NRG2: variants seen among roughly 807,000 people sequenced by gnomAD.
NRG2 encodes neuregulin 2, also known as pro-neuregulin-2, membrane-bound isoform.
In NRG2, 27 loss-of-function variants were observed where a neutral mutation model predicts 73.9. The observed-to-expected ratio is 0.37, with a 90% CI of 0.27 to 0.50. The LOEUF is 0.50. Among genes scored for constraint, NRG2 ranks in the 20% least tolerant of loss-of-function variants. The pLI is 0.96. For missense variants in NRG2, 1,126 were observed against 1,210.1 expected (o/e 0.93, Z 1.03); for synonymous variants, 532 against 541.0 (o/e 0.98, Z 0.23).
chr5:139,863,697 C>T (rs983024689), intron 5 of NRG2, among the ~76,000 whole-genome samples: 5 of 152,224 alleles, frequency 3.3e-5, no homozygotes, highest in Non-Finnish European at 5.9e-5. Flanking sequence ...CCCTCCTGCT[C>T]TACAGTCCTG....
chr5:140,000,201 T>C (rs1758331847), intron 1 of NRG2, among the ~76,000 whole-genome samples: 1 of 152,206 alleles, frequency 6.6e-6, no homozygotes, highest in Admixed American at 6.5e-5. Context: ...TCAGACAAGA[T>C]ATGTGGAAAC....
intron 1 of NRG2, among the ~76,000 whole-genome samples, chr5:139,947,301 C>T (rs191227909): frequency 2.0e-5 from 3 of 152,186 alleles, no homozygotes; most frequent in African/African-American, 7.2e-5. Flanking sequence ...TCTGCCTATT[C>T]TGGACATTTC....
intron 1 of NRG2, among the ~76,000 whole-genome samples, chr5:140,002,982 C>A (rs1258037342): frequency 6.6e-6 from 1 of 152,134 alleles, no homozygotes; most frequent in Non-Finnish European, 1.5e-5. Flanking sequence ...GATTTTTGAC[C>A]TGAATAACTG....
intron 1 of NRG2, among the ~76,000 whole-genome samples, chr5:139,938,990 G>A (rs1243639924): frequency 6.8e-6 from 1 of 146,714 alleles, no homozygotes. Flanking sequence ...GGAAGGAAAG[G>A]AAGGAAGCAA....
chr5:140,013,234 C>T (rs1213323721), intron 1 of NRG2, among the ~76,000 whole-genome samples: 5 of 152,146 alleles, frequency 3.3e-5, no homozygotes, highest in African/African-American at 1.2e-4. Flanking sequence ...ATGAATTATC[C>T]ATGATCCCAG....
At chr5:140,021,901 C>T (rs1760261751) in intron 1 of NRG2, among the ~76,000 whole-genome samples, 1 of 152,194 alleles carries the variant, frequency 6.6e-6, no homozygotes, top group African/African-American at 2.4e-5. Context: ...CGGTTCTTTC[C>T]TTCCTACAGT....
chr5:139,976,503 G>T (rs1469581859), intron 1 of NRG2, among the ~76,000 whole-genome samples: 2 of 152,184 alleles, frequency 1.3e-5, no homozygotes, highest in African/African-American at 4.8e-5. Flanking sequence ...CAAACAGTGG[G>T]CTCATTCCCT....
At chr5:140,014,483 C>T (rs1431761283) in intron 1 of NRG2, among the ~76,000 whole-genome samples, 3 of 152,102 alleles carry the variant, frequency 2.0e-5, no homozygotes, top group Non-Finnish European at 2.9e-5. Context: ...GCAATTCGCC[C>T]GTCTCAGCCT....
intron 9 of NRG2, among the ~76,000 whole-genome samples, chr5:139,850,915 C>A (rs1761373553): frequency 6.6e-6 from 1 of 152,144 alleles, no homozygotes; most frequent in Non-Finnish European, 1.5e-5. Flanking sequence ...TTCGTGTCTC[C>A]TTCTGTTCCT....
chr5:139,913,596 C>T (rs1041197187), intron 1 of NRG2, among the ~76,000 whole-genome samples: 4 of 152,234 alleles, frequency 2.6e-5, no homozygotes, highest in African/African-American at 7.2e-5. Flanking sequence ...TGTGCCCTCT[C>T]CCCTGCTTTG....
intron 3 of NRG2, 35 bp downstream of exon 3, chr5:139,880,821 C>G (rs1445944248): frequency 6.3e-7 from 1 of 1,587,682 alleles, no homozygotes; most frequent in Admixed American, 1.7e-5. Context: ...TGCCAAACCC[C>G]TCTAGGACCC....
intron 5 of NRG2, among the ~76,000 whole-genome samples, chr5:139,859,160 A>C (rs1460203565): frequency 6.6e-6 from 1 of 152,146 alleles, no homozygotes; most frequent in East Asian, 1.9e-4. Flanking sequence ...TAGCCCAAGG[A>C]GTCTTCCGGG....
chr5:140,011,532 T>A (rs1475363689), intron 1 of NRG2, among the ~76,000 whole-genome samples: 2 of 152,172 alleles, frequency 1.3e-5, no homozygotes, highest in Non-Finnish European at 2.9e-5. Context: ...CCTTTCTCTC[T>A]CTCTCTCCCT....
intron 9 of NRG2, among the ~76,000 whole-genome samples, chr5:139,849,843 C>T (rs1239608070): frequency 6.6e-6 from 1 of 152,228 alleles, no homozygotes; most frequent in Non-Finnish European, 1.5e-5. Context: ...TGGGTCCACC[C>T]CAGGGTCTCT....
Position 139,865,039 on chromosome 5 carries a change from A to G in NRG2, c.1189+510T>C. 1.6e-6 allele frequency: 2 copies of G among 1,283,296 alleles called. No individual in the cohort carries two copies. Among genetic ancestry groups the G allele is most frequent in the Non-Finnish European group, 2.3e-6 (2 of 879,116 alleles). The allele number at this position is 1,283,296 out of a possible 1,614,324, so 79.5% of individuals were successfully genotyped here. A position where few individuals can be genotyped will look rare whatever the true frequency, so the allele number is the denominator to read the frequency against. ...CTCTACATCTCCCCCTAGTCTTGCTAAGCAAGGCCCCATCCCTCCCCAGGG... is the reference window on the plus strand; with the variant it reads ...CTCTACATCTCCCCCTAGTCTTGCTGAGCAAGGCCCCATCCCTCCCCAGGG... On this transcript the variant is annotated intron_variant, in intron 5 of 9. Transcript: ENST00000361474. This position sits in a 1 kb window ranked among gnomAD's most constrained non-coding sequence, Gnocchi z 5.2.
intron 1 of NRG2, among the ~76,000 whole-genome samples, chr5:140,011,621 C>T (rs1759374063): frequency 6.6e-6 from 1 of 152,140 alleles, no homozygotes; most frequent in African/African-American, 2.4e-5. Flanking sequence ...ACTGATGCCT[C>T]TGGCCAACAG....
chr5:139,976,170 G>T (rs2126545967), intron 1 of NRG2, among the ~76,000 whole-genome samples: 1 of 152,270 alleles, frequency 6.6e-6, no homozygotes, highest in East Asian at 1.9e-4. Context: ...TCAGTACTCT[G>T]GGACACTCTC....
At chr5:140,016,518 G>T (rs2126656469) in intron 1 of NRG2, among the ~76,000 whole-genome samples, 1 of 152,312 alleles carries the variant, frequency 6.6e-6, no homozygotes, top group African/African-American at 2.4e-5. Flanking sequence ...CTACGTGCCA[G>T]GCATTGTGCT....
chr5:139,930,802 A>G (rs1340031926), intron 1 of NRG2, among the ~76,000 whole-genome samples: 1 of 152,246 alleles, frequency 6.6e-6, no homozygotes. Flanking sequence ...GGGCTAAAGC[A>G]GACAGGCAGG....
Sources: gnomAD v4.1 joint callset for allele counts (sites outside exome capture counted in the v4.1 genomes callset) on GRCh38, gnomAD v4.1.1 for gene constraint, Gnocchi (gnomAD v3.1) non-coding constraint, MANE v1.5 for transcripts, NCBI Gene and HGNC (gene_info 2026-07-23, HGNC 2026-07-21) for gene names.